Variants in MAN1A1 observed in about 807,000 individuals in gnomAD.
MAN1A1 encodes mannosyl-oligosaccharide 1,2-alpha-mannosidase IA.
MAN1A1 carries 29 observed loss-of-function variants against 70.8 expected under a neutral mutation model. That is an observed-to-expected ratio of 0.41 (90% CI 0.31 to 0.56). MAN1A1 has a LOEUF of 0.56. Among genes scored for constraint, MAN1A1 ranks in the 20% least tolerant of loss-of-function variants. MAN1A1 has a pLI of 0.29. For synonymous variants in MAN1A1, 349 were observed against 330.1 expected (o/e 1.06, Z -0.62); for missense variants, 747 against 841.3 (o/e 0.89, Z 1.39).
At chr6:119,237,941 G>C (rs1774899933) in intron 6 of MAN1A1, among the ~76,000 whole-genome samples, 1 of 152,124 alleles carries the variant, frequency 6.6e-6, no homozygotes, top group Admixed American at 6.5e-5. Flanking sequence ...CAGTTAGATG[G>C]ACCTAGGCAA....
At position 119,334,954 on chromosome 6, in the gene MAN1A1, G is replaced by C. The variant is rs563666705; in HGVS notation, c.603+13509C>G. 2.6e-5 allele frequency among the ~76,000 whole-genome samples: 4 copies of C among 152,294 alleles called. No individual in the cohort carries two copies. In the South Asian group the frequency reaches 6.2e-4, roughly 24 times the overall value. On this transcript the variant is annotated intron_variant, in intron 2 of 12. Transcript: ENST00000368468. ...TGTGTGACAGCAGGCCCAGAAGTCA[G>C]AAGTAACTGGACACTGATGAATGAA...
chr6:119,321,845 C>T (rs1324375977), intron 2 of MAN1A1, among the ~76,000 whole-genome samples: 1 of 152,188 alleles, frequency 6.6e-6, no homozygotes, highest in East Asian at 1.9e-4. Flanking sequence ...TCTTGAACTC[C>T]TAACCTCAAG....
chr6:119,349,255 C>A lies in MAN1A1; in HGVS notation c.-190G>T. The A allele has an allele frequency of 8.2e-7, 1 of 1,213,388 alleles. No individual in the cohort carries two copies. The highest frequency in any genetic ancestry group is 3.4e-5 in the East Asian group (1 of 29,654). 75.2% of individuals were successfully genotyped at this position (1,213,388 alleles called of 1,614,324 possible). ...TCCCCGGGGCGGCTCCTCGGGCACA[C>A]AGGCACGCGCGACAGACCGCTGGCT... is the stretch of plus-strand genomic sequence containing the variant. On this transcript the variant is annotated 5_prime_UTR_variant, in exon 2 of 13. Transcript: ENST00000368468.
chr6:119,236,527 G>T (rs1774848999), intron 6 of MAN1A1, among the ~76,000 whole-genome samples: 1 of 151,964 alleles, frequency 6.6e-6, no homozygotes, highest in African/African-American at 2.4e-5. Flanking sequence ...GGCCAACAAG[G>T]TGAAACCCCA....
At chr6:119,295,446 G>C (rs1772182556) in intron 4 of MAN1A1, among the ~76,000 whole-genome samples, 1 of 101,348 alleles carries the variant, frequency 9.9e-6, no homozygotes, top group Admixed American at 9.1e-5. Context: ...CAAGCTCGAG[G>C]AACAGATAAT....
intron 5 of MAN1A1, among the ~76,000 whole-genome samples, chr6:119,254,220 T>A (rs577759644): frequency 1.6e-4 from 24 of 152,298 alleles, no homozygotes; most frequent in African/African-American, 5.5e-4. Context: ...AAAAGTACAC[T>A]AAATGGCACT....
At chr6:119,261,273 C>T (rs1775607421) in intron 5 of MAN1A1, among the ~76,000 whole-genome samples, 1 of 152,146 alleles carries the variant, frequency 6.6e-6, no homozygotes, top group Admixed American at 6.5e-5. Flanking sequence ...GCCACTGCGC[C>T]CCGCCTATTG....
intron 3 of MAN1A1, 32 bp downstream of exon 3, chr6:119,306,864 C>T (rs195092): frequency 0.67 from 950,126 of 1,415,636 alleles, 321,525 homozygotes; most frequent in African/African-American, 0.74. Flanking sequence ...GAGAAGTTAT[C>T]GTCACTAAGA....
At chr6:119,190,424 A>C (rs1773413205) in intron 9 of MAN1A1, among the ~76,000 whole-genome samples, 1 of 152,186 alleles carries the variant, frequency 6.6e-6, no homozygotes, top group African/African-American at 2.4e-5. Context: ...CACTATCTCT[A>C]ATTTGTGGGA....
chr6:119,191,846 T>C (rs1028367950), intron 9 of MAN1A1, among the ~76,000 whole-genome samples: 4 of 152,216 alleles, frequency 2.6e-5, no homozygotes, highest in Non-Finnish European at 5.9e-5. Flanking sequence ...AGAACAATAG[T>C]GTACAGCATC....
intron 2 of MAN1A1, among the ~76,000 whole-genome samples, chr6:119,332,632 C>A (rs1421003347): frequency 2.0e-5 from 3 of 152,080 alleles, no homozygotes; most frequent in African/African-American, 4.8e-5. Flanking sequence ...GCCTGGCCAA[C>A]ATGGTGAAAC....
intron 5 of MAN1A1, among the ~76,000 whole-genome samples, chr6:119,286,683 AT>A (rs1776383517): frequency 6.6e-6 from 1 of 152,062 alleles, no homozygotes; most frequent in African/African-American, 2.4e-5. Context: ...GTTCTTAATC[AT>A]TTTGGCTTCC....
intron 5 of MAN1A1, among the ~76,000 whole-genome samples, chr6:119,276,575 C>T (rs556138632): frequency 5.3e-5 from 8 of 152,284 alleles, no homozygotes; most frequent in Admixed American, 6.5e-5. Flanking sequence ...AAGCATTAGA[C>T]GGCAGAAACT....
chr6:119,189,636 C>A (rs1439194023), intron 10 of MAN1A1, 28 bp downstream of exon 10: 6 of 1,602,826 alleles, frequency 3.7e-6, no homozygotes, highest in Non-Finnish European at 4.3e-6. Context: ...TGGGAATAGA[C>A]CATAAATGAA....
Position 119,349,715 on chromosome 6 carries a change from A to G in MAN1A1, c.-396T>C. The stretch of plus-strand genomic sequence containing the variant: ...GCGCGCCGACCTGCGGGCGAATGGC[A>G]GCGAGTAGAGCAGCACGGTACACTC... On this transcript the variant is annotated 5_prime_UTR_variant, in exon 1 of 13. Transcript: ENST00000368468. 1 of 985,700 alleles carries G rather than the reference A, an allele frequency of 1.0e-6. No individual in the cohort carries two copies. Among genetic ancestry groups the G allele is most frequent in the Non-Finnish European group, 1.2e-6 (1 of 830,014 alleles). 61.1% of individuals were successfully genotyped at this position (985,700 alleles called of 1,614,324 possible).
At chr6:119,287,430 TAC>T (rs1341135064) in intron 5 of MAN1A1, among the ~76,000 whole-genome samples, 1 of 152,176 alleles carries the variant, frequency 6.6e-6, no homozygotes, top group Admixed American at 6.6e-5. Flanking sequence ...TGTCATATTT[TAC>T]ACGTTTTGCA....
At chr6:119,259,528 C>T (rs888748469) in intron 5 of MAN1A1, among the ~76,000 whole-genome samples, 1 of 152,178 alleles carries the variant, frequency 6.6e-6, no homozygotes, top group Middle Eastern at 3.2e-3. Flanking sequence ...CCAGTACACA[C>T]CTAATACCAT....
chr6:119,190,279 A>G (rs962681356), intron 9 of MAN1A1, among the ~76,000 whole-genome samples: 4 of 152,308 alleles, frequency 2.6e-5, no homozygotes, highest in Non-Finnish European at 4.4e-5. Flanking sequence ...AGAACACAGC[A>G]TATTTGTGCA....
rs6918093 is a variant in MAN1A1 at position 119,325,355 on chromosome 6, A to G, written c.604-18363T>C. On this transcript the variant is annotated intron_variant, in intron 2 of 12. Transcript: ENST00000368468. ...TAAACAAAAATTAGAATTATTTTTC[A>G]TTCAAGATTTTCAGTAGTCTGGCAA... Among the ~76,000 whole-genome samples the G allele has an allele frequency of 5.9e-3, 898 of 152,310 alleles. 31 individuals are homozygous for G. In the East Asian group the frequency reaches 0.09, roughly 15 times the overall value.
Sources: gnomAD v4.1 joint callset for allele counts (sites outside exome capture counted in the v4.1 genomes callset) on GRCh38, gnomAD v4.1.1 for gene constraint, MANE v1.5 for transcripts, NCBI Gene and HGNC (gene_info 2026-07-23, HGNC 2026-07-21) for gene names.